The following FANCE variants were observed in gnomAD, a reference collection of about 807,000 sequenced individuals.
FANCE encodes the protein FA complementation group E.
A neutral mutation model predicts 57.8 loss-of-function variants in FANCE; 42 were observed. The observed-to-expected ratio is 0.73, with a 90% CI of 0.57 to 0.94. The LOEUF is 0.94. FANCE is among the 40% of genes least tolerant of loss of function. The probability of loss-of-function intolerance (pLI) is 0.00; values close to 1 mark genes in which losing one functional copy is unlikely to be tolerated. For missense variants in FANCE, 608 were observed against 661.8 expected, an observed-to-expected ratio of 0.92 and a Z score of 0.89; for synonymous variants, 251 against 286.4, an observed-to-expected ratio of 0.88 and a Z score of 1.25.
At position 35,457,896 on chromosome 6, in the gene FANCE, C is replaced by T. The variant is rs754828130; in HGVS notation, c.901-20C>T. ...TCACTGAGGGCTCTGCCAGCCCTAA[C>T]ATGAGATTTGTCTCCCCAGGGGTTA... On this transcript the variant is annotated intron_variant, in intron 3 of 9. Transcript: ENST00000229769. The T allele has an allele frequency of 9.9e-6, 16 of 1,610,854 alleles. No individual in the cohort carries two copies. In the Admixed American group the frequency reaches 2.0e-4, roughly 20 times the overall value.
At chr6:35,461,244 G>A (rs1026005719) in intron 8 of FANCE, among the ~76,000 whole-genome samples, 1 of 152,186 alleles carries the variant, frequency 6.6e-6, no homozygotes, top group Non-Finnish European at 1.5e-5. Flanking sequence ...CTTGAGGCCA[G>A]AACTTCTGGG....
At chr6:35,458,202 G>A in intron 4 of FANCE, 95 bp from the exon 5 acceptor site, 1 of 1,537,164 alleles carries the variant, frequency 6.5e-7, no homozygotes, top group Non-Finnish European at 8.9e-7. Flanking sequence ...GAGTATCTTT[G>A]CCCTGCTCTG....
At position 35,452,477 on chromosome 6, in the gene FANCE, C is replaced by T; in HGVS notation, c.-69C>T. 1 of 1,209,830 alleles carries T rather than the reference C, an allele frequency of 8.3e-7. No individual in the cohort carries two copies. Among genetic ancestry groups the T allele is most frequent in the Non-Finnish European group, 1.0e-6 (1 of 971,646 alleles). 74.9% of individuals were successfully genotyped at this position (1,209,830 alleles called of 1,614,324 possible). On this transcript the variant is annotated 5_prime_UTR_variant, in exon 1 of 10. Coordinates refer to ENST00000229769, the MANE Select transcript of FANCE (RefSeq NM_021922.3). Reference sequence around the variant, plus strand: ...CGTCAGGGACGGCGCTGGAGTCCTCCGTTCCCCTCAGCCTCTGAGCTGAGG... The same window carrying T: ...CGTCAGGGACGGCGCTGGAGTCCTCTGTTCCCCTCAGCCTCTGAGCTGAGG...
In FANCE at chr6:35,456,045, G is replaced by C. The variant is rs2150890959; in HGVS notation, c.547G>C (p.Ala183Pro). Residue 183 changes from alanine (A) to proline (P), a missense_variant, in exon 2 of 10, where the codon GCT (alanine) becomes CCT (proline). Coordinates refer to ENST00000229769, the MANE Select transcript of FANCE (RefSeq NM_021922.3). This position sits in a 1 kb window ranked among gnomAD's most constrained non-coding sequence, Gnocchi z 4.3. ...GGGCAGGAGGTTGAAATCCCCCCAG[G>C]CTCCAGACCCTGAAGAAGAGGAGAA... ...LGGRRLKSPQ[A>P]PDPEEEENRD... 6.2e-7 allele frequency: 1 copy of C among 1,613,178 alleles called. No individual in the cohort carries two copies. Among genetic ancestry groups the C allele is most frequent in the Non-Finnish European group, 8.5e-7 (1 of 1,179,674 alleles).
chr6:35,459,516 C>T, intron 6 of FANCE, 62 bp downstream of exon 6: 1 of 1,612,202 alleles, frequency 6.2e-7, no homozygotes, highest in East Asian at 2.2e-5. Flanking sequence ...GCATCCTTCA[C>T]CCCAGAGTGG....
chr6:35,457,895 A>G, intron 3 of FANCE, 21 bp from the exon 4 acceptor site: 1 of 1,610,700 alleles, frequency 6.2e-7, no homozygotes, highest in Non-Finnish European at 8.5e-7. Flanking sequence ...GCCAGCCCTA[A>G]CATGAGATTT....
chr6:35,460,228 G>C (rs1767532282), intron 7 of FANCE, among the ~76,000 whole-genome samples: 2 of 152,118 alleles, frequency 1.3e-5, no homozygotes, highest in Admixed American at 1.3e-4. Context: ...CAATTCTCCT[G>C]TCTCGGCCTC....
chr6:35,459,148 T>C (rs1160422934), intron 5 of FANCE, among the ~76,000 whole-genome samples, 183 bp from the exon 6 acceptor site: 1 of 152,142 alleles, frequency 6.6e-6, no homozygotes, highest in Non-Finnish European at 1.5e-5. Context: ...CTTTCAGGGA[T>C]TTGGGAACTG....
chr6:35,459,858 C>A, intron 7 of FANCE, 98 bp downstream of exon 7: 1 of 997,522 alleles, frequency 1.0e-6, no homozygotes, highest in Non-Finnish European at 1.6e-6. Context: ...GGCTTACCTT[C>A]TCTAGGAAGC....
intron 9 of FANCE, among the ~76,000 whole-genome samples, chr6:35,464,961 C>T (rs1416863004): frequency 1.3e-5 from 2 of 150,722 alleles, no homozygotes; most frequent in Non-Finnish European, 3.0e-5. Context: ...GTCTCGATCT[C>T]CTGACCTTGT....
At chr6:35,455,697 T>C in intron 1 of FANCE, 50 bp from the exon 2 acceptor site, 1 of 1,607,966 alleles carries the variant, frequency 6.2e-7, no homozygotes, top group Non-Finnish European at 8.5e-7. Context: ...GTCTGCCTTG[T>C]GCTCCCTTCA....
chr6:35,454,125 G>A (rs1421864104), intron 1 of FANCE, among the ~76,000 whole-genome samples: 2 of 151,278 alleles, frequency 1.3e-5, no homozygotes, highest in Non-Finnish European at 2.9e-5. Flanking sequence ...GTGCAGTGGC[G>A]CAATCTTGGC....
chr6:35,457,878 G>A (rs766990619), intron 3 of FANCE, 38 bp from the exon 4 acceptor site: 2 of 1,582,576 alleles, frequency 1.3e-6, no homozygotes, highest in East Asian at 2.2e-5. Context: ...TTGTCACTGA[G>A]GGCTCTGCCA....
intron 8 of FANCE, 151 bp downstream of exon 8, chr6:35,460,769 T>TG: frequency 1.4e-6 from 1 of 739,730 alleles, no homozygotes; most frequent in South Asian, 1.5e-5. Flanking sequence ...GGGAGAGCCC[T>TG]GGGCCATGCA....
At chr6:35,461,749 G>A (rs186268386) in intron 8 of FANCE, among the ~76,000 whole-genome samples, 39 of 151,108 alleles carry the variant, frequency 2.6e-4, no homozygotes, top group Middle Eastern at 3.4e-3. Flanking sequence ...CCGGGTTCAC[G>A]CCATTCTCCT....
At chr6:35,457,703 G>T in intron 3 of FANCE, 103 bp downstream of exon 3, 1 of 1,352,262 alleles carries the variant, frequency 7.4e-7, no homozygotes, top group East Asian at 2.4e-5. Context: ...AAGCTGGCTG[G>T]GGGAGGGGGA....
chr6:35,452,835 G>A, intron 1 of FANCE, 42 bp downstream of exon 1: 1 of 1,281,574 alleles, frequency 7.8e-7, no homozygotes, highest in Non-Finnish European at 9.9e-7. Context: ...ATGGGAGGCG[G>A]GGGGCTGTCG....
chr6:35,459,406 C>T lies in FANCE; in HGVS notation c.1189C>T (p.Pro397Ser), dbSNP rs759782690. 1 of 1,614,184 alleles carries T rather than the reference C, an allele frequency of 6.2e-7. No homozygotes were observed. Among genetic ancestry groups the T allele is most frequent in the Admixed American group, 1.7e-5 (1 of 60,006 alleles). Residue 397 changes from proline (P) to serine (S), a missense_variant, in exon 6 of 10, where the codon CCT becomes TCT. Transcript: ENST00000229769. ...CTCCTTCTGTGCCAAATATACATACCCTGTCTGCAGCGCCCTCCTTGACCC... is the reference window on the plus strand; with the variant it reads ...CTCCTTCTGTGCCAAATATACATACTCTGTCTGCAGCGCCCTCCTTGACCC... Reference protein sequence around the residue: ...LTSFCAKYTYPVCSALLDPVL... With the variant: ...LTSFCAKYTYSVCSALLDPVL...
chr6:35,457,800 T>G, intron 3 of FANCE, 116 bp from the exon 4 acceptor site: 1 of 1,088,170 alleles, frequency 9.2e-7, no homozygotes, highest in South Asian at 1.3e-5. Flanking sequence ...TAACTTCCTC[T>G]TCTCTGGTAG....
Sources: gnomAD v4.1 joint callset for allele counts (sites outside exome capture counted in the v4.1 genomes callset) on GRCh38, gnomAD v4.1.1 for gene constraint, Gnocchi (gnomAD v3.1) non-coding constraint, MANE v1.5 for transcripts, NCBI Gene and HGNC (gene_info 2026-07-23, HGNC 2026-07-21) for gene names.